GRM1: variants seen among roughly 807,000 people sequenced by gnomAD.
GRM1 encodes metabotropic glutamate receptor 1.
In GRM1, 33 loss-of-function variants were observed where a neutral mutation model predicts 90.9. The ratio of observed to expected loss-of-function variants is 0.36; its 90% confidence interval spans 0.28 to 0.49. The LOEUF is 0.49. Among genes scored for constraint, GRM1 ranks in the 20% least tolerant of loss-of-function variants. GRM1 has a pLI of 0.99. For synonymous variants in GRM1, 700 were observed against 613.2 expected (o/e 1.14, Z -2.09); for missense variants, 1,190 against 1,534.3 (o/e 0.78, Z 3.75).
At chr6:146,195,194 C>G (rs1275002558) in intron 2 of GRM1, among the ~76,000 whole-genome samples, 1 of 151,942 alleles carries the variant, frequency 6.6e-6, no homozygotes, top group Admixed American at 6.6e-5. Flanking sequence ...AAAACAGGAA[C>G]AGGAAGCTAA....
At chr6:146,280,516 C>T (rs573866983) in intron 2 of GRM1, among the ~76,000 whole-genome samples, 30 of 152,240 alleles carry the variant, frequency 2.0e-4, no homozygotes, top group African/African-American at 4.6e-4. Context: ...ATACACAGAA[C>T]GCTATGGGCC....
At chr6:146,258,163 T>G (rs1781557259) in intron 2 of GRM1, among the ~76,000 whole-genome samples, 3 of 152,186 alleles carry the variant, frequency 2.0e-5, no homozygotes, top group South Asian at 4.1e-4. Context: ...AATGCTGGTT[T>G]GAGGACTTGC....
At chr6:146,132,956 T>G (rs1015779604) in intron 1 of GRM1, among the ~76,000 whole-genome samples, 1 of 152,220 alleles carries the variant, frequency 6.6e-6, no homozygotes, top group Non-Finnish European at 1.5e-5. Context: ...GAGATCATAT[T>G]GATTCATAGG....
At chr6:146,421,711 T>G (rs1777999172) in intron 7 of GRM1, among the ~76,000 whole-genome samples, 4 of 152,166 alleles carry the variant, frequency 2.6e-5, no homozygotes, top group Admixed American at 2.6e-4. Context: ...TGAATCTTAA[T>G]AATTAACAAT....
intron 3 of GRM1, among the ~76,000 whole-genome samples, chr6:146,324,455 A>T (rs529610788): frequency 3.1e-4 from 46 of 150,772 alleles, no homozygotes; most frequent in African/African-American, 8.9e-4. Context: ...ATAAAAAATT[A>T]AAAAAAATAA....
At chr6:146,195,019 AG>A (rs1437724647) in intron 2 of GRM1, among the ~76,000 whole-genome samples, 1 of 152,238 alleles carries the variant, frequency 6.6e-6, no homozygotes, top group Non-Finnish European at 1.5e-5. Flanking sequence ...AATGTCCAGA[AG>A]ATTGTAATCA....
chr6:146,093,864 T>C (rs918387620), intron 1 of GRM1, among the ~76,000 whole-genome samples: 1 of 152,042 alleles, frequency 6.6e-6, no homozygotes, highest in African/African-American at 2.4e-5. Flanking sequence ...CATTTCTAGG[T>C]CGATTTTCTC....
At chr6:146,129,309 G>A in intron 1 of GRM1, among the ~76,000 whole-genome samples, 1 of 152,182 alleles carries the variant, frequency 6.6e-6, no homozygotes, top group East Asian at 1.9e-4. Flanking sequence ...TGGTTTCAGA[G>A]TAGCAGGCAC....
chr6:146,233,229 T>C (rs1285256222), intron 2 of GRM1, among the ~76,000 whole-genome samples: 2 of 152,156 alleles, frequency 1.3e-5, no homozygotes. Context: ...TTTTTAAATA[T>C]GGATACTTAA....
intron 2 of GRM1, among the ~76,000 whole-genome samples, chr6:146,226,800 C>G (rs985617117): frequency 6.6e-6 from 1 of 152,100 alleles, no homozygotes; most frequent in Non-Finnish European, 1.5e-5. Flanking sequence ...TGATTCTATG[C>G]TAACTTTGCT....
At position 146,256,065 on chromosome 6, in the gene GRM1, C is replaced by T. The variant is rs1027074401; in HGVS notation, c.951-48546C>T. On this transcript the variant is annotated intron_variant, in intron 2 of 7. Transcript: ENST00000282753. ...TTCTTTTTGGTAGAGGGGCGAGATACACTTACATCTACTGGCTCGGATACA... is the reference window on the plus strand; with the variant it reads ...TTCTTTTTGGTAGAGGGGCGAGATATACTTACATCTACTGGCTCGGATACA... 3.3e-5 allele frequency among the ~76,000 whole-genome samples: 5 copies of T among 152,124 alleles called. No homozygotes were observed. In the East Asian group the frequency reaches 5.8e-4, roughly 18 times the overall value.
intron 1 of GRM1, among the ~76,000 whole-genome samples, chr6:146,143,856 T>C (rs954233747): frequency 6.6e-6 from 1 of 152,168 alleles, no homozygotes; most frequent in Non-Finnish European, 1.5e-5. Context: ...TAAGAAACCT[T>C]AGAGATTTCC....
At chr6:146,159,763 A>C in intron 2 of GRM1, 166 bp downstream of exon 2, 1 of 634,400 alleles carries the variant, frequency 1.6e-6, no homozygotes, top group Non-Finnish European at 2.7e-6. Flanking sequence ...TCTGGATCTC[A>C]CTGTTAATGT....
chr6:146,364,303 C>T (rs946775871), intron 5 of GRM1, among the ~76,000 whole-genome samples: 5 of 152,164 alleles, frequency 3.3e-5, no homozygotes, highest in African/African-American at 7.2e-5. Context: ...CTTTCCTCCA[C>T]GACAGTGTGA....
At chr6:146,243,747 G>A (rs1028513577) in intron 2 of GRM1, among the ~76,000 whole-genome samples, 2 of 152,090 alleles carry the variant, frequency 1.3e-5, no homozygotes, top group Non-Finnish European at 2.9e-5. Flanking sequence ...CAGGGTTTGA[G>A]AGCAGACAAC....
Position 146,159,440 on chromosome 6 carries a change from G to T in GRM1, c.793G>T (p.Ala265Ser), listed in dbSNP as rs1394803027. 1.2e-6 allele frequency: 2 copies of T among 1,614,176 alleles called. No homozygotes were observed. The highest frequency in any genetic ancestry group is 1.7e-6 in the Non-Finnish European group (2 of 1,180,016). The change falls in exon 2 of 8, where the codon GCT becomes TCT. Residue 265 changes from alanine to serine, a missense_variant. Transcript: ENST00000282753. ...IAHSDKIYSN[A>S]GEKSFDRLLR... ...CCATTCTGACAAAATCTACAGCAAC[G>T]CTGGGGAGAAGAGCTTTGACCGACT...
intron 2 of GRM1, among the ~76,000 whole-genome samples, chr6:146,280,678 G>A (rs1423648462): frequency 6.6e-6 from 1 of 152,104 alleles, no homozygotes; most frequent in Non-Finnish European, 1.5e-5. Context: ...GAGTGCAGTG[G>A]CATGATCGTG....
intron 5 of GRM1, chr6:146,365,488 G>A (rs1775643334): frequency 6.6e-6 from 1 of 152,212 alleles, no homozygotes; most frequent in Admixed American, 6.6e-5. Flanking sequence ...TGAATCATGG[G>A]CTATTGGGCA....
intron 2 of GRM1, among the ~76,000 whole-genome samples, chr6:146,181,098 G>A (rs1167954168): frequency 2.0e-5 from 3 of 152,064 alleles, no homozygotes; most frequent in Non-Finnish European, 4.4e-5. Flanking sequence ...AGGATAATTG[G>A]CAATAACACA....
Sources: gnomAD v4.1 joint callset for allele counts (sites outside exome capture counted in the v4.1 genomes callset) on GRCh38, gnomAD v4.1.1 for gene constraint, MANE v1.5 for transcripts, NCBI Gene and HGNC (gene_info 2026-07-23, HGNC 2026-07-21) for gene names.